The following ONECUT2 variants were observed in gnomAD, a reference collection of about 807,000 sequenced individuals.
The protein encoded by ONECUT2 is one cut homeobox 2.
Under a neutral mutation model 27.9 loss-of-function variants are expected in ONECUT2, and 10 were observed. That is an observed-to-expected ratio of 0.36 (90% confidence interval 0.22 to 0.61). The LOEUF (loss-of-function observed/expected upper bound fraction) is 0.61. Among genes scored for constraint, ONECUT2 ranks in the 20% least tolerant of loss-of-function variants. The probability of loss-of-function intolerance (pLI) is 0.73; values close to 1 mark genes in which losing one functional copy is unlikely to be tolerated. For synonymous variants in ONECUT2, 334 were observed against 315.1 expected, an observed-to-expected ratio of 1.06 and a Z score of -0.64; for missense variants, 686 against 721.0, an observed-to-expected ratio of 0.95 and a Z score of 0.56.
intron 1 of ONECUT2, among the ~76,000 whole-genome samples, chr18:57,454,571 G>T (rs1181066793): frequency 6.6e-6 from 1 of 151,982 alleles, no homozygotes; most frequent in Non-Finnish European, 1.5e-5. Context: ...ACGCCATAAG[G>T]GTATATGGCA....
chr18:57,477,788 C>T lies in ONECUT2; in HGVS notation c.*1065C>T, dbSNP rs753955666. The T allele has an allele frequency of 3.3e-5, 5 of 152,484 alleles. No homozygotes were observed. The highest frequency in any genetic ancestry group is 2.1e-4 in the South Asian group (1 of 4,828). The allele number at this position is 152,484 out of a possible 1,614,324, so 9.4% of individuals were successfully genotyped here. A position where few individuals can be genotyped will look rare whatever the true frequency, so the allele number is the denominator to read the frequency against. Reference sequence around the variant, plus strand: ...CTCCTACTGTGTGTTATGACCACCACGTAATCCATTCTCGCTCTTTCTGAT... The same window carrying T: ...CTCCTACTGTGTGTTATGACCACCATGTAATCCATTCTCGCTCTTTCTGAT... On this transcript the variant is annotated 3_prime_UTR_variant, in exon 2 of 2. Coordinates refer to ENST00000491143, the MANE Select transcript of ONECUT2 (RefSeq NM_004852.3).
At chr18:57,456,077 C>CA (rs1198143254) in intron 1 of ONECUT2, among the ~76,000 whole-genome samples, 1 of 152,116 alleles carries the variant, frequency 6.6e-6, no homozygotes, top group Non-Finnish European at 1.5e-5. Flanking sequence ...AAAATGAAAA[C>CA]AAAAAATAAC....
chr18:57,462,584 G>A (rs577414609), intron 1 of ONECUT2, among the ~76,000 whole-genome samples: 14 of 151,892 alleles, frequency 9.2e-5, no homozygotes, highest in African/African-American at 3.4e-4. Context: ...GTAGAGACAG[G>A]GTCTCACTTT....
rs909598742 is a variant in ONECUT2 at position 57,486,638 on chromosome 18, G to A, written c.*9915G>A. On this transcript the variant is annotated 3_prime_UTR_variant, in exon 2 of 2. Coordinates refer to ENST00000491143, the MANE Select transcript of ONECUT2 (RefSeq NM_004852.3). ...GAAAAAAGAAAAAAAAGCTTTATAC[G>A]TTTTAGGTTGTGCTTTTGTAATAGA... is the stretch of plus-strand genomic sequence containing the variant. The A allele has an allele frequency of 3.3e-5, 5 of 152,444 alleles. No homozygotes were observed. Among genetic ancestry groups the A allele is most frequent in the East Asian group, 1.9e-4 (1 of 5,190 alleles). The allele number at this position is 152,444 out of a possible 1,614,324, so 9.4% of individuals were successfully genotyped here. A position where few individuals can be genotyped will look rare whatever the true frequency, so the allele number is the denominator to read the frequency against.
rs59877360 is a variant in ONECUT2, at chr18:57,452,410, G to GTATTTTATTTTATTTTATTT, written c.1228+15479_1228+15498dup. ...CAGGTGATTGCTTGTAGCTCAACCTGTATTTTATTTTATTTTATTTTATTT... is the reference window on the plus strand; with the variant it reads ...CAGGTGATTGCTTGTAGCTCAACCTGTATTTTATTTTATTTTATTTTATTTTATTTTATTTTATTTTATTT... On this transcript the variant is annotated intron_variant, in intron 1 of 1. Transcript: ENST00000491143. Among the ~76,000 whole-genome samples the GTATTTTATTTTATTTTATTT allele has an allele frequency of 4.3e-3, 655 of 151,000 alleles. 2 individuals carry two copies. Among genetic ancestry groups the GTATTTTATTTTATTTTATTT allele is most frequent in the African/African-American group, 0.014 (585 of 40,876 alleles).
In ONECUT2 at chr18:57,435,999, G is replaced by T; in HGVS notation, c.283G>T (p.Ala95Ser). 1 of 1,487,146 alleles carries T rather than the reference G, an allele frequency of 6.7e-7. No individual in the cohort carries two copies. The highest frequency in any genetic ancestry group is 8.9e-7 in the Non-Finnish European group (1 of 1,121,942). The allele number at this position is 1,487,146 out of a possible 1,614,324, so 92.1% of individuals were successfully genotyped here. Residue 95 changes from alanine (A) to serine (S), a missense_variant, in exon 1 of 2, where the codon GCA (alanine) becomes TCA (serine). This residue lies in a region of ONECUT2 where 511 missense variants were observed against 488.1 expected (regional missense o/e 1.05). Transcript: ENST00000491143. ...PTAHQELGTA[A>S]AAAAAASRSA... ...CGCGCACCAGGAGCTGGGCACGGCG[G>T]CAGCGGCGGCAGCGGCGGCGTCGCG... is the stretch of plus-strand genomic sequence containing the variant.
At chr18:57,474,355 A>G (rs1436576397) in intron 1 of ONECUT2, among the ~76,000 whole-genome samples, 1 of 152,214 alleles carries the variant, frequency 6.6e-6, no homozygotes, top group African/African-American at 2.4e-5. Context: ...TTCAGGTTAA[A>G]TCCTGTCTTA....
At chr18:57,465,568 C>T (rs1208221715) in intron 1 of ONECUT2, among the ~76,000 whole-genome samples, 1 of 152,146 alleles carries the variant, frequency 6.6e-6, no homozygotes. Flanking sequence ...CCTCTTTTTG[C>T]ATCATATTGT....
chr18:57,446,411 G>A (rs2050200642), intron 1 of ONECUT2, among the ~76,000 whole-genome samples: 1 of 152,168 alleles, frequency 6.6e-6, no homozygotes, highest in African/African-American at 2.4e-5. Context: ...TCTGATAAGT[G>A]CTTGGATCAA....
intron 1 of ONECUT2, among the ~76,000 whole-genome samples, chr18:57,454,764 G>A (rs1300409362): frequency 2.0e-5 from 3 of 152,092 alleles, no homozygotes; most frequent in South Asian, 4.2e-4. Context: ...CCATGCAGCC[G>A]GACTATTTAC....
Position 57,484,591 on chromosome 18 carries a change from G to A in ONECUT2, c.*7868G>A, listed in dbSNP as rs1320595817. ...TTGAGGAAGGAAACTGGTTGGAAAT[G>A]GCCTTCAGTCCTAGCCATGGCCTCT... On this transcript the variant is annotated 3_prime_UTR_variant, in exon 2 of 2. Coordinates refer to ENST00000491143, the MANE Select transcript of ONECUT2 (RefSeq NM_004852.3). The A allele has an allele frequency of 6.6e-6, 1 of 152,446 alleles. No homozygotes were observed. The highest frequency in any genetic ancestry group is 1.9e-4 in the East Asian group (1 of 5,196). The allele number at this position is 152,446 out of a possible 1,614,324, so 9.4% of individuals were successfully genotyped here.
In ONECUT2 at chr18:57,444,507, G is replaced by T. The variant is rs149602610; in HGVS notation, c.1228+7563G>T. On this transcript the variant is annotated intron_variant, in intron 1 of 1. Transcript: ENST00000491143. ...TCCCACTCCACCCCAGTGCCCTTGA[G>T]CATGAAGCTGTGCCCTACTGCGTCC... The T allele has an allele frequency of 2.9e-3, 1,327 of 452,424 alleles. 12 individuals carry two copies. The highest frequency in any genetic ancestry group is 0.013 in the South Asian group (819 of 64,064). 28.0% of individuals were successfully genotyped at this position (452,424 alleles called of 1,614,324 possible).
At chr18:57,444,172 G>A (rs771548972) in intron 1 of ONECUT2, among the ~76,000 whole-genome samples, 10 of 152,226 alleles carry the variant, frequency 6.6e-5, no homozygotes, top group African/African-American at 9.6e-5. Context: ...AAGGGCAGAA[G>A]AAGCATTCCT....
At chr18:57,456,618 T>C (rs942816617) in intron 1 of ONECUT2, among the ~76,000 whole-genome samples, 1 of 152,080 alleles carries the variant, frequency 6.6e-6, no homozygotes, top group Non-Finnish European at 1.5e-5. Flanking sequence ...GTTTAATGAG[T>C]ATAGAGTTTT....
chr18:57,447,375 A>G (rs572720637), intron 1 of ONECUT2, among the ~76,000 whole-genome samples: 180 of 152,328 alleles, frequency 1.2e-3, no homozygotes, highest in African/African-American at 4.2e-3. Flanking sequence ...CCTGACCAGT[A>G]TCTCCAGCTC....
intron 1 of ONECUT2, among the ~76,000 whole-genome samples, chr18:57,458,257 C>T (rs1363673071): frequency 6.6e-6 from 1 of 152,100 alleles, no homozygotes; most frequent in Admixed American, 6.6e-5. Flanking sequence ...AGAATAAAGT[C>T]CTCTTTGCCT....
rs1325018660 is a variant in ONECUT2, at chr18:57,484,189, A to G, written c.*7466A>G. ...AAAGCAACAAAACAAAAAAGGAAAAAAACAAAAAGCAGAAAAAAGAAAAAA... is the reference window on the plus strand; with the variant it reads ...AAAGCAACAAAACAAAAAAGGAAAAGAACAAAAAGCAGAAAAAAGAAAAAA... On this transcript the variant is annotated 3_prime_UTR_variant, in exon 2 of 2. Transcript: ENST00000491143. The G allele has an allele frequency of 6.6e-6, 1 of 152,624 alleles. No homozygotes were observed. Among genetic ancestry groups the G allele is most frequent in the Non-Finnish European group, 1.5e-5 (1 of 68,042 alleles). The allele number at this position is 152,624 out of a possible 1,614,324, so 9.5% of individuals were successfully genotyped here.
At position 57,483,131 on chromosome 18, in the gene ONECUT2, A is replaced by C. The variant is rs1263932526; in HGVS notation, c.*6408A>C. ...AAAAAGGACAAAAAGAAAAAAAAAA[A>C]AAGAAAAAACAAAGAAAAAGAAGAA... is the stretch of plus-strand genomic sequence containing the variant. On this transcript the variant is annotated 3_prime_UTR_variant, in exon 2 of 2. Coordinates refer to ENST00000491143, the MANE Select transcript of ONECUT2 (RefSeq NM_004852.3). 4 of 151,868 alleles carry C rather than the reference A, an allele frequency of 2.6e-5. No individual in the cohort carries two copies. The highest frequency in any genetic ancestry group is 4.4e-5 in the Non-Finnish European group (3 of 67,936). 9.4% of individuals were successfully genotyped at this position (151,868 alleles called of 1,614,324 possible).
At chr18:57,462,445 G>A (rs909951962) in intron 1 of ONECUT2, among the ~76,000 whole-genome samples, 1 of 152,006 alleles carries the variant, frequency 6.6e-6, no homozygotes, top group Non-Finnish European at 1.5e-5. Context: ...GAGTATAGTG[G>A]TACGATCATA....
Sources: gnomAD v4.1 joint callset for allele counts (sites outside exome capture counted in the v4.1 genomes callset) on GRCh38, gnomAD v4.1.1 for gene constraint, gnomAD v4.1.1 regional missense constraint, MANE v1.5 for transcripts, NCBI Gene and HGNC (gene_info 2026-07-23, HGNC 2026-07-21) for gene names.